The following AGBL4 variants were observed in gnomAD, a reference collection of about 807,000 sequenced individuals.
AGBL4 encodes the protein cytosolic carboxypeptidase 6.
In AGBL4, 58 loss-of-function variants were observed where a neutral mutation model predicts 66.4. The ratio of observed to expected loss-of-function variants is 0.87; its 90% CI spans 0.71 to 1.09. The LOEUF (loss-of-function observed/expected upper bound fraction) is 1.09. AGBL4 is among the 50% of genes least tolerant of loss of function. The probability of loss-of-function intolerance (pLI) is 0.00; values close to 1 mark genes in which losing one functional copy is unlikely to be tolerated. For missense variants in AGBL4, 579 were observed against 631.0 expected (o/e 0.92, Z 0.88); for synonymous variants, 234 against 222.9 (o/e 1.05, Z -0.44).
In AGBL4 at chr1:48,959,186, C is replaced by T. The variant is rs572828725; in HGVS notation, c.594+86398G>A. Among the ~76,000 whole-genome samples, 192 of 152,240 alleles carry T rather than the reference C, an allele frequency of 1.3e-3. 1 individual carries two copies. The highest frequency in any genetic ancestry group is 4.5e-3 in the African/African-American group (185 of 41,530). Reference sequence around the variant, plus strand: ...ACTATTTTCCTATATAATCTTAAACCATTTTCCTCTCCTGAGCTCAAATAT... The same window carrying T: ...ACTATTTTCCTATATAATCTTAAACTATTTTCCTCTCCTGAGCTCAAATAT... On this transcript the variant is annotated intron_variant, in intron 5 of 13. Coordinates refer to ENST00000371839, the MANE Select transcript of AGBL4 (RefSeq NM_032785.4).
chr1:49,760,379 G>A (rs1652215155), intron 2 of AGBL4, among the ~76,000 whole-genome samples: 2 of 152,058 alleles, frequency 1.3e-5, no homozygotes, highest in African/African-American at 2.4e-5. Context: ...CCATGCCTAT[G>A]TCCTGAATGG....
At chr1:48,859,360 G>A (rs556927002) in intron 6 of AGBL4, among the ~76,000 whole-genome samples, 1 of 152,286 alleles carries the variant, frequency 6.6e-6, no homozygotes, top group Non-Finnish European at 1.5e-5. Flanking sequence ...TCCCTGAGAA[G>A]TATAACTATG....
chr1:48,616,794 T>C (rs1645326082), intron 9 of AGBL4, among the ~76,000 whole-genome samples: 1 of 152,234 alleles, frequency 6.6e-6, no homozygotes, highest in Admixed American at 6.5e-5. Flanking sequence ...CAAGTCCTAC[T>C]ACAGGGCATA....
chr1:50,011,207 G>GA (rs1161243935), intron 1 of AGBL4, among the ~76,000 whole-genome samples: 3 of 152,106 alleles, frequency 2.0e-5, no homozygotes, highest in Non-Finnish European at 4.4e-5. Flanking sequence ...TCAGTAATCT[G>GA]ATCAAAAATG....
At chr1:48,739,815 C>T (rs954509134) in intron 6 of AGBL4, among the ~76,000 whole-genome samples, 1 of 152,210 alleles carries the variant, frequency 6.6e-6, no homozygotes, top group African/African-American at 2.4e-5. Context: ...GTTTTCCCTA[C>T]GTTTTCTTAA....
At chr1:49,324,050 C>T (rs925192425) in intron 3 of AGBL4, among the ~76,000 whole-genome samples, 1 of 152,176 alleles carries the variant, frequency 6.6e-6, no homozygotes, top group African/African-American at 2.4e-5. Context: ...CCAGTGAATG[C>T]TAGCTAAACA....
intron 6 of AGBL4, among the ~76,000 whole-genome samples, chr1:48,690,981 A>G (rs993206188): frequency 7.2e-5 from 11 of 152,074 alleles, no homozygotes; most frequent in African/African-American, 2.4e-4. Context: ...CCTGGCCAAT[A>G]TGGTGAAACC....
chr1:48,746,959 G>A (rs1273957845), intron 6 of AGBL4, among the ~76,000 whole-genome samples: 2 of 152,256 alleles, frequency 1.3e-5, no homozygotes, highest in Non-Finnish European at 2.9e-5. Flanking sequence ...AGGGAGAGCA[G>A]GGAGGGCCCC....
chr1:49,845,635 C>A, intron 2 of AGBL4: 1 of 1,607,958 alleles, frequency 6.2e-7, no homozygotes, highest in Non-Finnish European at 8.5e-7. Flanking sequence ...GATTCAGCAC[C>A]AGAGGACCCA....
At chr1:49,881,296 C>T (rs1384620192) in intron 1 of AGBL4, among the ~76,000 whole-genome samples, 7 of 152,068 alleles carry the variant, frequency 4.6e-5, no homozygotes, top group Non-Finnish European at 5.9e-5. Flanking sequence ...CATTGTTGGA[C>T]ATTTGGGTTG....
intron 1 of AGBL4, among the ~76,000 whole-genome samples, chr1:49,913,923 G>A (rs1387961189): frequency 1.3e-5 from 2 of 152,142 alleles, no homozygotes; most frequent in African/African-American, 4.8e-5. Flanking sequence ...GGGTGCCCCA[G>A]GCCCATCCCT....
intron 3 of AGBL4, among the ~76,000 whole-genome samples, chr1:49,618,949 G>A (rs1424460779): frequency 6.6e-6 from 1 of 152,038 alleles, no homozygotes; most frequent in Non-Finnish European, 1.5e-5. Context: ...CAATAAACTA[G>A]GTATTGATGG....
chr1:49,693,374 T>C (rs1304642364), intron 3 of AGBL4, among the ~76,000 whole-genome samples: 1 of 152,148 alleles, frequency 6.6e-6, no homozygotes, highest in Non-Finnish European at 1.5e-5. Flanking sequence ...GAAAATAATC[T>C]TTATGACCAA....
rs183255729 is a variant in AGBL4 at position 49,308,364 on chromosome 1, A to G, written c.283-62500T>C. Among the ~76,000 whole-genome samples, 29 of 152,262 alleles carry G rather than the reference A, an allele frequency of 1.9e-4. No individual in the cohort carries two copies. The East Asian group carries it at 4.6e-3, about 24-fold the overall frequency. On this transcript the variant is annotated intron_variant, in intron 3 of 13. Coordinates refer to ENST00000371839, the MANE Select transcript of AGBL4 (RefSeq NM_032785.4). ...TGGGTAATTAAAATGTAGATATATA[A>G]GATAGTCTTTAATGTCTATGTAATA...
intron 6 of AGBL4, among the ~76,000 whole-genome samples, chr1:48,832,634 G>A (rs1347777793): frequency 2.6e-5 from 4 of 152,154 alleles, no homozygotes; most frequent in African/African-American, 4.8e-5. Context: ...GGATCACGGA[G>A]TGCCCAGATA....
At chr1:48,539,786 G>C (rs1343047163) in intron 11 of AGBL4, 48 bp from the exon 12 acceptor site, 2 of 1,255,052 alleles carry the variant, frequency 1.6e-6, no homozygotes, top group Non-Finnish European at 2.1e-6. Context: ...GATTGAGACA[G>C]AGTGAAAAGA....
intron 6 of AGBL4, chr1:48,776,667 C>T: frequency 1.3e-6 from 2 of 1,497,320 alleles, no homozygotes; most frequent in Non-Finnish European, 1.8e-6. Flanking sequence ...GGGGGGCGCG[C>T]GGGGGGCTCT....
chr1:49,447,110 T>C (rs984969758), intron 3 of AGBL4, among the ~76,000 whole-genome samples: 3 of 152,122 alleles, frequency 2.0e-5, no homozygotes, highest in Non-Finnish European at 4.4e-5. Flanking sequence ...GTTCTTGTTC[T>C]CCATGCATGA....
intron 3 of AGBL4, among the ~76,000 whole-genome samples, chr1:49,325,893 G>A (rs1645220128): frequency 6.6e-6 from 1 of 152,146 alleles, no homozygotes; most frequent in African/African-American, 2.4e-5. Flanking sequence ...TCTTGCTCCT[G>A]TTCCCTCCAT....
Sources: allele counts gnomAD v4.1 joint callset (sites outside exome capture counted in the v4.1 genomes callset), GRCh38; gene constraint gnomAD v4.1.1; transcripts MANE v1.5; gene names NCBI Gene and HGNC (gene_info 2026-07-23, HGNC 2026-07-21).